NKAIN3: variants seen among roughly 807,000 people sequenced by gnomAD.
NKAIN3 encodes the protein sodium/potassium-transporting ATPase subunit beta-1-interacting protein 3.
In NKAIN3, 25 loss-of-function variants were observed where a neutral mutation model predicts 30.2. The ratio of observed to expected loss-of-function variants is 0.83; its 90% CI spans 0.60 to 1.16. NKAIN3 has a LOEUF of 1.16. NKAIN3 is among the 50% of genes most tolerant of loss of function. The pLI is 0.00. For synonymous variants in NKAIN3, 91 were observed against 89.6 expected, an observed-to-expected ratio of 1.02 and a Z score of -0.09; for missense variants, 225 against 254.1, an observed-to-expected ratio of 0.89 and a Z score of 0.78.
At chr8:62,479,456 C>A (rs752856439) in intron 1 of NKAIN3, among the ~76,000 whole-genome samples, 11 of 152,112 alleles carry the variant, frequency 7.2e-5, no homozygotes, top group Non-Finnish European at 1.3e-4. Flanking sequence ...GATCTGAGTT[C>A]CAAAGGCCCT....
chr8:62,493,361 C>A (rs897513362), intron 1 of NKAIN3, among the ~76,000 whole-genome samples: 3 of 152,032 alleles, frequency 2.0e-5, no homozygotes, highest in Non-Finnish European at 4.4e-5. Context: ...TTTGGGCTCT[C>A]TATTCTGCTC....
intron 1 of NKAIN3, among the ~76,000 whole-genome samples, chr8:62,368,069 A>T (rs190395004): frequency 6.6e-6 from 1 of 152,204 alleles, no homozygotes; most frequent in Admixed American, 6.5e-5. Context: ...AAAGAACTTG[A>T]TGACACAAAT....
Position 62,984,125 on chromosome 8 carries a change from T to C in NKAIN3, c.*18718T>C, listed in dbSNP as rs1013899167. The C allele has an allele frequency of 6.6e-6, 1 of 152,208 alleles. No homozygotes were observed. The highest frequency in any genetic ancestry group is 2.4e-5 in the African/African-American group (1 of 41,458). The allele number at this position is 152,208 out of a possible 1,614,324, so 9.4% of individuals were successfully genotyped here. On this transcript the variant is annotated 3_prime_UTR_variant, in exon 7 of 7. Coordinates refer to ENST00000623646, the MANE Select transcript of NKAIN3 (RefSeq NM_001304533.3). ...TTTATTATTATGTTGATGATGATTA[T>C]TGAAAGCACGATAGCAATGTTTAAG... is the stretch of plus-strand genomic sequence containing the variant.
chr8:62,399,792 G>A (rs1817878297), intron 1 of NKAIN3, among the ~76,000 whole-genome samples: 1 of 152,168 alleles, frequency 6.6e-6, no homozygotes, highest in Admixed American at 6.5e-5. Context: ...TAAGTTCCAG[G>A]ATGCAAGAGC....
intron 3 of NKAIN3, among the ~76,000 whole-genome samples, chr8:62,679,152 G>T (rs1813573281): frequency 6.6e-6 from 1 of 152,162 alleles, no homozygotes; most frequent in Non-Finnish European, 1.5e-5. Flanking sequence ...ACTAATAGCA[G>T]CAAAGAGGTC....
At chr8:62,501,290 C>A (rs986554677) in intron 1 of NKAIN3, among the ~76,000 whole-genome samples, 8 of 152,102 alleles carry the variant, frequency 5.3e-5, no homozygotes, top group African/African-American at 1.2e-4. Context: ...CTCACTGCCA[C>A]CCTCATGACC....
intron 1 of NKAIN3, among the ~76,000 whole-genome samples, chr8:62,249,817 C>G (rs1053757157): frequency 5.9e-5 from 9 of 152,118 alleles, no homozygotes; most frequent in Non-Finnish European, 1.3e-4. Flanking sequence ...TGGCGCGGTG[C>G]CTTGCAGAGG....
chr8:62,348,095 CAG>C (rs1403716840), intron 1 of NKAIN3, among the ~76,000 whole-genome samples: 4 of 152,036 alleles, frequency 2.6e-5, no homozygotes, highest in Non-Finnish European at 5.9e-5. Flanking sequence ...CATCCATCTG[CAG>C]CCTTGATCCT....
intron 4 of NKAIN3, among the ~76,000 whole-genome samples, chr8:62,831,868 A>T (rs189887254): frequency 1.7e-3 from 254 of 152,274 alleles, no homozygotes; most frequent in African/African-American, 5.7e-3. Context: ...TCCAGAGAAC[A>T]TCTGTGAGAT....
chr8:62,628,546 A>G (rs890851468), intron 3 of NKAIN3, among the ~76,000 whole-genome samples: 2 of 152,154 alleles, frequency 1.3e-5, no homozygotes, highest in African/African-American at 4.8e-5. Flanking sequence ...CTTATTATAC[A>G]ATGCTAAATC....
intron 4 of NKAIN3, among the ~76,000 whole-genome samples, chr8:62,873,480 A>G (rs186499392): frequency 1.2e-3 from 173 of 148,838 alleles, no homozygotes; most frequent in African/African-American, 4.2e-3. Flanking sequence ...ACTCTGGATC[A>G]AATGGATCTA....
intron 3 of NKAIN3, among the ~76,000 whole-genome samples, chr8:62,632,211 T>C (rs1478647667): frequency 6.6e-6 from 1 of 152,152 alleles, no homozygotes; most frequent in East Asian, 1.9e-4. Context: ...TTTAGTAGAT[T>C]CCCACATCTA....
At chr8:62,495,866 C>T (rs1807222232) in intron 1 of NKAIN3, among the ~76,000 whole-genome samples, 1 of 152,072 alleles carries the variant, frequency 6.6e-6, no homozygotes, top group Non-Finnish European at 1.5e-5. Context: ...CATGAGTTGA[C>T]CTCCAAGCTC....
chr8:62,771,269 A>C (rs1185413005), intron 4 of NKAIN3, among the ~76,000 whole-genome samples: 4 of 152,168 alleles, frequency 2.6e-5, no homozygotes, highest in African/African-American at 9.6e-5. Context: ...CTCCACAAAA[A>C]ATAAATGAAT....
intron 4 of NKAIN3, among the ~76,000 whole-genome samples, chr8:62,777,782 A>T (rs1121057): frequency 2.0e-5 from 3 of 151,918 alleles, no homozygotes; most frequent in African/African-American, 7.3e-5. Context: ...GGGCATAGAA[A>T]AATTAGGAAG....
intron 4 of NKAIN3, among the ~76,000 whole-genome samples, chr8:62,770,667 A>G (rs1345925219): frequency 6.6e-6 from 1 of 152,156 alleles, no homozygotes; most frequent in African/African-American, 2.4e-5. Context: ...CATGCAGTCC[A>G]TAGCAAGGTG....
chr8:62,853,978 G>A lies in NKAIN3; in HGVS notation c.472-64475G>A, dbSNP rs573972208. 7.0e-4 allele frequency among the ~76,000 whole-genome samples: 107 copies of A among 152,294 alleles called. 2 individuals carry two copies. In the South Asian group the frequency reaches 0.021, roughly 30 times the overall value. On this transcript the variant is annotated intron_variant, in intron 4 of 6. Coordinates refer to ENST00000623646, the MANE Select transcript of NKAIN3 (RefSeq NM_001304533.3). ...TTTACCCAAAAGTCATCCAGAAGCA[G>A]GTTGTTCAGTTTCAGTGTAGTCATA...
intron 3 of NKAIN3, among the ~76,000 whole-genome samples, chr8:62,660,236 A>G (rs2130357426): frequency 6.6e-6 from 1 of 152,290 alleles, no homozygotes; most frequent in East Asian, 1.9e-4. Context: ...TTGGCAAACT[A>G]CTTTCCATTT....
At chr8:62,505,897 C>A (rs1807619354) in intron 1 of NKAIN3, among the ~76,000 whole-genome samples, 1 of 152,082 alleles carries the variant, frequency 6.6e-6, no homozygotes, top group Non-Finnish European at 1.5e-5. Context: ...TCTGGCAGGG[C>A]TGGATTCTTT....
Sources: gnomAD v4.1 joint callset for allele counts (sites outside exome capture counted in the v4.1 genomes callset) on GRCh38, gnomAD v4.1.1 for gene constraint, MANE v1.5 for transcripts, NCBI Gene and HGNC (gene_info 2026-07-23, HGNC 2026-07-21) for gene names.